Variants in DMD observed in about 807,000 individuals in gnomAD.
The protein encoded by DMD is mutant dystrophin.
In DMD, 63 loss-of-function variants were observed where a neutral mutation model predicts 330.1. That is an observed-to-expected ratio of 0.19 (90% CI 0.16 to 0.24). The LOEUF (loss-of-function observed/expected upper bound fraction) is 0.24, where lower values mean the gene tolerates loss of function less well. DMD is among the 10% of genes least tolerant of loss of function. DMD has a pLI of 1.00. For synonymous variants in DMD, 1,223 were observed against 959.8 expected (o/e 1.27, Z -5.07); for missense variants, 3,344 against 2,684.1 (o/e 1.25, Z -5.43).
chrX:31,183,469 A>C (rs2041380872), intron 67 of DMD, among the ~76,000 whole-genome samples: 1 of 111,171 alleles, frequency 9.0e-6, no homozygotes, highest in African/African-American at 3.3e-5. Flanking sequence ...AATAGAATCC[A>C]AACCTCCTGG....
At position 31,880,414 on chromosome X, in the gene DMD, T is replaced by TA. The variant is rs1410867201; in HGVS notation, c.6913-5042dup. 1.8e-4 allele frequency among the ~76,000 whole-genome samples: 20 copies of TA among 110,013 alleles called. 1 individual carries two copies. Among genetic ancestry groups the TA allele is most frequent in the Non-Finnish European group, 1.1e-4 (6 of 52,492 alleles). ...GCATATAAAAAAATCTTTTAATGAG[T>TA]AAAAAAAGGAAAAATCTACTGGAAA... is the stretch of plus-strand genomic sequence containing the variant. On this transcript the variant is annotated intron_variant, in intron 47 of 78. Coordinates refer to ENST00000357033, the MANE Select transcript of DMD (RefSeq NM_004006.3).
At chrX:33,219,623 A>G (rs1246309745) in intron 1 of DMD, among the ~76,000 whole-genome samples, 2 of 111,020 alleles carry the variant, frequency 1.8e-5, no homozygotes, top group East Asian at 5.7e-4. Context: ...AGCAAAACTC[A>G]AAACTAATTT....
intron 44 of DMD, among the ~76,000 whole-genome samples, chrX:32,207,085 T>C (rs2097072824): frequency 8.9e-6 from 1 of 111,924 alleles, no homozygotes; most frequent in African/African-American, 3.2e-5. Flanking sequence ...CATTAGAAGA[T>C]TCATCTCTTG....
At chrX:31,240,105 G>A (rs926973791) in intron 63 of DMD, among the ~76,000 whole-genome samples, 6 of 110,824 alleles carry the variant, frequency 5.4e-5, no homozygotes, top group Admixed American at 9.6e-5. Flanking sequence ...GTTAAACTTC[G>A]TACATTTATT....
At chrX:32,686,573 A>AG (rs1458038074) in intron 9 of DMD, among the ~76,000 whole-genome samples, 2 of 106,992 alleles carry the variant, frequency 1.9e-5, no homozygotes, top group African/African-American at 3.4e-5. Context: ...AAAAAAAAAA[A>AG]AAAAAAAAAG....
chrX:32,569,917 A>C, intron 15 of DMD, among the ~76,000 whole-genome samples: 1 of 111,504 alleles, frequency 9.0e-6, no homozygotes, highest in Non-Finnish European at 1.9e-5. Flanking sequence ...ACGTGATTCT[A>C]CAAGTCTTAT....
intron 44 of DMD, among the ~76,000 whole-genome samples, chrX:32,072,456 G>T (rs2096308287): frequency 9.1e-6 from 1 of 110,429 alleles, no homozygotes. Context: ...TACAAAAGAG[G>T]TTCCAAAACC....
chrX:32,100,378 T>C (rs997974566), intron 44 of DMD, among the ~76,000 whole-genome samples: 5 of 105,226 alleles, frequency 4.8e-5, no homozygotes, highest in Non-Finnish European at 9.6e-5. Flanking sequence ...TTCCCAGATA[T>C]ATATATATAT....
intron 9 of DMD, among the ~76,000 whole-genome samples, chrX:32,676,384 T>C (rs912051411): frequency 5.4e-5 from 6 of 111,108 alleles, no homozygotes; most frequent in African/African-American, 2.0e-4. Context: ...ATGGATAATA[T>C]AACATAAAGG....
chrX:32,102,373 G>C (rs976647922), intron 44 of DMD, among the ~76,000 whole-genome samples: 2 of 111,507 alleles, frequency 1.8e-5, no homozygotes, highest in African/African-American at 6.5e-5. Context: ...TCAAAATTAA[G>C]TTTGTATTAG....
intron 1 of DMD, among the ~76,000 whole-genome samples, chrX:33,141,241 C>T (rs1325962128): frequency 9.0e-6 from 1 of 111,151 alleles, no homozygotes; most frequent in East Asian, 2.8e-4. Flanking sequence ...TTGTGTTCAT[C>T]CATTTTCTTG....
intron 64 of DMD, among the ~76,000 whole-genome samples, chrX:31,221,188 T>TA (rs1278284574): frequency 9.0e-6 from 1 of 111,307 alleles, no homozygotes; most frequent in Non-Finnish European, 1.9e-5. Flanking sequence ...CACCAATCCA[T>TA]ACTCTGTTCC....
At chrX:32,067,264 C>T (rs1250573423) in intron 44 of DMD, among the ~76,000 whole-genome samples, 4 of 111,448 alleles carry the variant, frequency 3.6e-5, no homozygotes, top group Non-Finnish European at 7.6e-5. Context: ...TGACTTGATA[C>T]AAAGAATACA....
At chrX:33,040,251 C>A (rs189761726) in intron 1 of DMD, among the ~76,000 whole-genome samples, 4 of 110,744 alleles carry the variant, frequency 3.6e-5, no homozygotes, top group Non-Finnish European at 5.7e-5. Context: ...TTTTCCAGAC[C>A]CTCCTCTTCT....
chrX:32,973,101 A>G (rs756472297), intron 2 of DMD, among the ~76,000 whole-genome samples: 2 of 111,805 alleles, frequency 1.8e-5, no homozygotes, highest in South Asian at 7.5e-4. Context: ...AGTAACTCCA[A>G]TTGAGCCATA....
intron 27 of DMD, among the ~76,000 whole-genome samples, chrX:32,445,230 A>T (rs2098298368): frequency 9.0e-6 from 1 of 111,269 alleles, no homozygotes; most frequent in South Asian, 3.7e-4. Context: ...GAGCGAATCA[A>T]GTCTATAGAG....
At chrX:33,186,847 C>T (rs1349447608) in intron 1 of DMD, among the ~76,000 whole-genome samples, 2 of 110,975 alleles carry the variant, frequency 1.8e-5, no homozygotes, top group Non-Finnish European at 3.8e-5. Flanking sequence ...AACAATAATG[C>T]CAATTAAATG....
At chrX:31,884,481 AGATCCTGGGGGTG>A (rs1388476610) in intron 47 of DMD, among the ~76,000 whole-genome samples, 1 of 111,434 alleles carries the variant, frequency 9.0e-6, no homozygotes, top group Non-Finnish European at 1.9e-5. Context: ...GGTGGTTATT[AGATCCTGGGGGTG>A]GGGTGATTTG....
intron 7 of DMD, among the ~76,000 whole-genome samples, chrX:32,757,394 C>T (rs190399239): frequency 9.0e-6 from 1 of 111,234 alleles, no homozygotes; most frequent in East Asian, 2.9e-4. Flanking sequence ...ACTTTCAAGG[C>T]TCTCCAGAAT....
Sources: gnomAD v4.1 joint callset for allele counts (sites outside exome capture counted in the v4.1 genomes callset) on GRCh38, gnomAD v4.1.1 for gene constraint, MANE v1.5 for transcripts, NCBI Gene and HGNC (gene_info 2026-07-23, HGNC 2026-07-21) for gene names.